CCDC148: variants seen among roughly 807,000 people sequenced by gnomAD.
The protein encoded by CCDC148 is coiled-coil domain containing 148.
A neutral mutation model predicts 85.7 loss-of-function variants in CCDC148; 89 were observed. The ratio of observed to expected loss-of-function variants is 1.04; its 90% confidence interval spans 0.87 to 1.24. The LOEUF (loss-of-function observed/expected upper bound fraction) is 1.24, where lower values mean the gene tolerates loss of function less well. Among genes scored for constraint, CCDC148 ranks in the 50% most tolerant of loss-of-function variants. The probability of loss-of-function intolerance (pLI) is 0.00; values close to 1 mark genes in which losing one functional copy is unlikely to be tolerated. For missense variants in CCDC148, 692 were observed against 671.7 expected, an observed-to-expected ratio of 1.03 and a Z score of -0.33; for synonymous variants, 230 against 213.9, an observed-to-expected ratio of 1.08 and a Z score of -0.66.
intron 10 of CCDC148, among the ~76,000 whole-genome samples, chr2:158,221,244 T>C (rs1687169128): frequency 1.3e-5 from 2 of 152,138 alleles, no homozygotes; most frequent in South Asian, 4.1e-4. Flanking sequence ...AGCAGGGTTG[T>C]GGTATATAGT....
At chr2:158,240,577 C>G (rs1328846418) in intron 10 of CCDC148, among the ~76,000 whole-genome samples, 1 of 151,774 alleles carries the variant, frequency 6.6e-6, no homozygotes, top group Non-Finnish European at 1.5e-5. Flanking sequence ...AAATGGATGA[C>G]CTGGGCCAGG....
chr2:158,207,049 CCA>C (rs1281249109), intron 11 of CCDC148, among the ~76,000 whole-genome samples: 3 of 152,156 alleles, frequency 2.0e-5, no homozygotes, highest in Non-Finnish European at 4.4e-5. Flanking sequence ...ACTTTATCGA[CCA>C]CTTTCTATTA....
At chr2:158,376,988 G>A (rs1684677203) in intron 1 of CCDC148, among the ~76,000 whole-genome samples, 1 of 151,972 alleles carries the variant, frequency 6.6e-6, no homozygotes, top group Non-Finnish European at 1.5e-5. Context: ...TGTGAGGAGA[G>A]GGGCTGAATG....
intron 10 of CCDC148, among the ~76,000 whole-genome samples, chr2:158,247,432 G>A (rs903916295): frequency 1.9e-4 from 29 of 152,276 alleles, no homozygotes; most frequent in African/African-American, 6.7e-4. Flanking sequence ...CCTAGTGAAA[G>A]CCTGAACACA....
At chr2:158,256,121 T>C (rs1689000149) in intron 9 of CCDC148, among the ~76,000 whole-genome samples, 1 of 151,756 alleles carries the variant, frequency 6.6e-6, no homozygotes, top group African/African-American at 2.4e-5. Flanking sequence ...AAGGTAATGA[T>C]TGAAATTAAC....
chr2:158,301,456 G>C (rs1302556178), intron 9 of CCDC148, among the ~76,000 whole-genome samples: 1 of 152,210 alleles, frequency 6.6e-6, no homozygotes, highest in Non-Finnish European at 1.5e-5. Flanking sequence ...GATATAATCA[G>C]CATGTAGCTG....
chr2:158,433,117 G>A (rs1347111204), intron 1 of CCDC148, among the ~76,000 whole-genome samples: 1 of 94,790 alleles, frequency 1.1e-5, no homozygotes, highest in Admixed American at 1.2e-4. Flanking sequence ...TATATGACTT[G>A]GGTGTCATGG....
At chr2:158,302,343 T>C (rs1341300512) in intron 9 of CCDC148, among the ~76,000 whole-genome samples, 1 of 151,830 alleles carries the variant, frequency 6.6e-6, no homozygotes, top group Non-Finnish European at 1.5e-5. Context: ...GTGGCGACCA[T>C]AGGAAACAGT....
intron 9 of CCDC148, among the ~76,000 whole-genome samples, chr2:158,305,298 A>C (rs575456584): frequency 2.0e-5 from 3 of 152,216 alleles, no homozygotes; most frequent in Non-Finnish European, 4.4e-5. Context: ...TTTGTCTGCC[A>C]TGGGGAAAAG....
chr2:158,304,210 C>T (rs1691577220), intron 9 of CCDC148, among the ~76,000 whole-genome samples: 1 of 152,030 alleles, frequency 6.6e-6, no homozygotes, highest in African/African-American at 2.4e-5. Flanking sequence ...TCCCCAGATG[C>T]TTAAACCTTC....
chr2:158,228,115 AAAAC>A (rs1312557363), intron 10 of CCDC148, among the ~76,000 whole-genome samples: 1 of 152,180 alleles, frequency 6.6e-6, no homozygotes. Context: ...TTACAAGAAA[AAAAC>A]AAACAACCCC....
intron 1 of CCDC148, chr2:158,447,063 T>G (rs1431821570): frequency 2.6e-5 from 4 of 152,258 alleles, no homozygotes; most frequent in African/African-American, 9.6e-5. Flanking sequence ...CTACTGTTCA[T>G]GTAAAAGTCT....
At chr2:158,442,595 G>A (rs1687981202) in intron 1 of CCDC148, among the ~76,000 whole-genome samples, 1 of 152,210 alleles carries the variant, frequency 6.6e-6, no homozygotes, top group Non-Finnish European at 1.5e-5. Context: ...TGCATCCCAG[G>A]ATGATAGCAG....
At chr2:158,438,863 A>G (rs1456165918) in intron 1 of CCDC148, among the ~76,000 whole-genome samples, 2 of 152,214 alleles carry the variant, frequency 1.3e-5, no homozygotes, top group South Asian at 2.1e-4. Context: ...CAGCCAACAG[A>G]CACATGAAAA....
chr2:158,299,556 T>A (rs1308228841), intron 9 of CCDC148, among the ~76,000 whole-genome samples: 1 of 152,210 alleles, frequency 6.6e-6, no homozygotes, highest in African/African-American at 2.4e-5. Context: ...GAGGCTCACT[T>A]TTAAAACTTC....
chr2:158,355,224 G>T (rs1274015637), intron 2 of CCDC148, among the ~76,000 whole-genome samples: 1 of 152,096 alleles, frequency 6.6e-6, no homozygotes, highest in African/African-American at 2.4e-5. Context: ...GGAAGTTCAG[G>T]CCAGGGCAAT....
intron 7 of CCDC148, among the ~76,000 whole-genome samples, chr2:158,327,948 T>C (rs1692868837): frequency 6.6e-6 from 1 of 152,194 alleles, no homozygotes; most frequent in Non-Finnish European, 1.5e-5. Context: ...AGATGGCCAC[T>C]GTTTATATAT....
chr2:158,287,907 C>A (rs989070644), intron 9 of CCDC148, among the ~76,000 whole-genome samples: 4 of 152,210 alleles, frequency 2.6e-5, no homozygotes, highest in African/African-American at 9.7e-5. Flanking sequence ...GGGCCCCACC[C>A]CTGTAGCAAA....
At chr2:158,376,917 A>G (rs1057297091) in intron 1 of CCDC148, among the ~76,000 whole-genome samples, 1 of 151,944 alleles carries the variant, frequency 6.6e-6, no homozygotes, top group Non-Finnish European at 1.5e-5. Context: ...AGGTCTGGGT[A>G]GGGTTTTCAG....
Sources: gnomAD v4.1 joint callset for allele counts (sites outside exome capture counted in the v4.1 genomes callset) on GRCh38, gnomAD v4.1.1 for gene constraint, MANE v1.5 for transcripts, NCBI Gene and HGNC (gene_info 2026-07-23, HGNC 2026-07-21) for gene names.